COL11A1: variants seen among roughly 807,000 people sequenced by gnomAD.
The protein encoded by COL11A1 is collagen alpha-1(XI) chain.
COL11A1 carries 74 observed loss-of-function variants against 265.2 expected under a neutral mutation model. That is an observed-to-expected ratio of 0.28 (90% confidence interval 0.23 to 0.34). COL11A1 has a LOEUF of 0.34. Ranked by LOEUF, COL11A1 falls within the 10% of genes least tolerant of loss-of-function variation. The pLI is 1.00. For synonymous variants in COL11A1, 816 were observed against 727.6 expected (o/e 1.12, Z -1.96); for missense variants, 2,165 against 2,263.6 (o/e 0.96, Z 0.88).
At chr1:103,049,857 G>A (rs1669646534) in intron 4 of COL11A1, among the ~76,000 whole-genome samples, 1 of 152,096 alleles carries the variant, frequency 6.6e-6, no homozygotes, top group Non-Finnish European at 1.5e-5. Context: ...CTTCACTTAT[G>A]AAGCTTTGAT....
chr1:103,031,450 T>G (rs1294425656), intron 4 of COL11A1, among the ~76,000 whole-genome samples: 2 of 152,138 alleles, frequency 1.3e-5, no homozygotes, highest in African/African-American at 2.4e-5. Flanking sequence ...AGGCTGTTAT[T>G]CTATGTTATC....
At chr1:102,935,963 G>A (rs1487189445) in intron 44 of COL11A1, among the ~76,000 whole-genome samples, 4 of 152,028 alleles carry the variant, frequency 2.6e-5, no homozygotes, top group Admixed American at 1.3e-4. Context: ...TGTAAAATCC[G>A]TGGTGAATAA....
chr1:103,056,108 G>A (rs1314946519), intron 4 of COL11A1, among the ~76,000 whole-genome samples: 1 of 152,106 alleles, frequency 6.6e-6, no homozygotes, highest in Non-Finnish European at 1.5e-5. Context: ...TGTCCCAAGG[G>A]TGGAATCCAG....
At chr1:103,103,697 T>C (rs1324135905) in intron 1 of COL11A1, among the ~76,000 whole-genome samples, 4 of 152,026 alleles carry the variant, frequency 2.6e-5, no homozygotes, top group Non-Finnish European at 5.9e-5. Flanking sequence ...CTTTCTCTTT[T>C]ACTTCCTTGT....
chr1:102,917,277 T>A (rs1026590865), intron 49 of COL11A1, among the ~76,000 whole-genome samples: 5 of 152,040 alleles, frequency 3.3e-5, no homozygotes, highest in Admixed American at 6.6e-5. Context: ...GAAATCTGAT[T>A]TGCCTTAAGC....
intron 37 of COL11A1, among the ~76,000 whole-genome samples, chr1:102,967,328 C>T (rs902799664): frequency 2.9e-5 from 4 of 139,694 alleles, no homozygotes; most frequent in African/African-American, 1.0e-4. Flanking sequence ...GCAAGCTCCG[C>T]CTCCCAGGTT....
At chr1:102,922,209 A>G (rs189554851) in intron 47 of COL11A1, among the ~76,000 whole-genome samples, 10 of 152,306 alleles carry the variant, frequency 6.6e-5, no homozygotes, top group Admixed American at 4.6e-4. Flanking sequence ...ATTTCACTGG[A>G]CATTAGTATT....
intron 54 of COL11A1, among the ~76,000 whole-genome samples, chr1:102,906,293 G>A (rs1482020701): frequency 1.3e-5 from 2 of 152,186 alleles, no homozygotes; most frequent in African/African-American, 4.8e-5. Flanking sequence ...AGTTCTGTCT[G>A]ATTCTGATGC....
chr1:103,019,796 A>T (rs900924074), intron 9 of COL11A1, among the ~76,000 whole-genome samples: 2 of 136,828 alleles, frequency 1.5e-5, no homozygotes, highest in Non-Finnish European at 3.1e-5. Context: ...TGTCCATGTG[A>T]TCTCATTGTT....
chr1:102,977,851 T>C (rs146518709), intron 35 of COL11A1, among the ~76,000 whole-genome samples: 3 of 152,248 alleles, frequency 2.0e-5, no homozygotes, highest in Non-Finnish European at 4.4e-5. Context: ...TTCTTGTGTG[T>C]TATCTACTCC....
At chr1:102,882,410 G>T (rs1427161914) in intron 64 of COL11A1, among the ~76,000 whole-genome samples, 1 of 152,116 alleles carries the variant, frequency 6.6e-6, no homozygotes, top group Non-Finnish European at 1.5e-5. Context: ...GCTTTACTGT[G>T]CTTCATTACA....
chr1:102,947,050 A>G, intron 41 of COL11A1, 94 bp from the exon 42 acceptor site: 1 of 1,025,840 alleles, frequency 9.7e-7, no homozygotes, highest in Non-Finnish European at 1.5e-6. Context: ...AGTCTAGTAA[A>G]TTATGTTAAA....
rs1354282865 is a variant in COL11A1 at position 102,935,106 on chromosome 1, G to A, written c.3446C>T (p.Pro1149Leu). The A allele has an allele frequency of 4.3e-6, 7 of 1,613,828 alleles. No individual in the cohort carries two copies. In the South Asian group the frequency reaches 6.6e-5, roughly 15 times the overall value. The change falls in exon 45 of 67, where the codon CCC (proline) becomes CTC (leucine). Residue 1149 changes from proline (P) to leucine (L), a missense_variant. Transcript: ENST00000370096. ...TGGTCCTTGAAGACCTGGGGGACCGGGAGGGCCCTGCAGTGAGATAAAAAT... is the reference window on the plus strand; with the variant it reads ...TGGTCCTTGAAGACCTGGGGGACCGAGAGGGCCCTGCAGTGAGATAAAAAT... ...SKGDKGENGPPGPPGLQGPVG... is the reference protein window; with the variant it reads ...SKGDKGENGPLGPPGLQGPVG...
At chr1:103,068,480 G>T (rs1380944572) in intron 4 of COL11A1, among the ~76,000 whole-genome samples, 1 of 151,444 alleles carries the variant, frequency 6.6e-6, no homozygotes, top group Non-Finnish European at 1.5e-5. Flanking sequence ...AAAACTTTCA[G>T]CCAACATCAT....
At chr1:103,082,546 T>C (rs1317029748) in intron 2 of COL11A1, among the ~76,000 whole-genome samples, 1 of 152,108 alleles carries the variant, frequency 6.6e-6, no homozygotes, top group Non-Finnish European at 1.5e-5. Context: ...CAAATAAGAA[T>C]ATTTTCACAG....
chr1:103,075,328 T>G (rs936267964), intron 3 of COL11A1, among the ~76,000 whole-genome samples: 3 of 152,158 alleles, frequency 2.0e-5, no homozygotes, highest in Non-Finnish European at 4.4e-5. Flanking sequence ...TTATTTCAAG[T>G]GCTTTCATTA....
intron 57 of COL11A1, among the ~76,000 whole-genome samples, chr1:102,892,380 C>T (rs1314878013): frequency 2.6e-5 from 4 of 152,190 alleles, no homozygotes; most frequent in African/African-American, 7.2e-5. Context: ...CACATTATAT[C>T]CTGGTCCATA....
rs780611200 is a variant in COL11A1, at chr1:102,886,969, C to A, written c.4696G>T (p.Asp1566Tyr). The A allele has an allele frequency of 1.2e-5, 20 of 1,613,784 alleles. No homozygotes were observed. Among genetic ancestry groups the A allele is most frequent in the Non-Finnish European group, 1.7e-5 (20 of 1,179,878 alleles). The change falls in exon 63 of 67, where the codon GAT (aspartate) becomes TAT (tyrosine). Residue 1566 changes from aspartate to tyrosine, a missense_variant. By Grantham distance (160) the Asp-to-Tyr change is radical (BLOSUM62 -3). Transcript: ENST00000370096. The stretch of plus-strand genomic sequence containing the variant: ...TCCGAGTAATCAAGAATATTATCAT[C>A]TGCATCTGCTTGCATGCCTTCAGTA... ...RHTEGMQADADDNILDYSDGM... is the reference protein window; with the variant it reads ...RHTEGMQADAYDNILDYSDGM...
intron 46 of COL11A1, among the ~76,000 whole-genome samples, chr1:102,932,271 C>G (rs914757517): frequency 2.6e-5 from 4 of 151,978 alleles, no homozygotes; most frequent in Admixed American, 6.6e-5. Flanking sequence ...TTCAGGAGCT[C>G]TTTTAGGGCA....
Sources: allele counts gnomAD v4.1 joint callset (sites outside exome capture counted in the v4.1 genomes callset), GRCh38; gene constraint gnomAD v4.1.1; transcripts MANE v1.5; gene names NCBI Gene and HGNC (gene_info 2026-07-23, HGNC 2026-07-21).